The following ABHD12 variants were observed in gnomAD, a reference collection of about 807,000 sequenced individuals.
ABHD12 encodes lysophosphatidylserine lipase ABHD12.
A neutral mutation model predicts 58.3 loss-of-function variants in ABHD12; 43 were observed. The ratio of observed to expected loss-of-function variants is 0.74; its 90% confidence interval spans 0.58 to 0.95. The LOEUF is 0.95. Ranked by LOEUF, ABHD12 falls within the 40% of genes least tolerant of loss-of-function variation. The probability of loss-of-function intolerance (pLI) is 0.00; values close to 1 mark genes in which losing one functional copy is unlikely to be tolerated. For synonymous variants in ABHD12, 219 were observed against 211.2 expected, an observed-to-expected ratio of 1.04 and a Z score of -0.32; for missense variants, 539 against 537.2, an observed-to-expected ratio of 1.00 and a Z score of -0.03.
intron 2 of ABHD12, among the ~76,000 whole-genome samples, chr20:25,327,056 T>C (rs188728716): frequency 6.6e-6 from 1 of 152,354 alleles, no homozygotes; most frequent in Non-Finnish European, 1.5e-5. Flanking sequence ...GTTCCATTCC[T>C]TTCACCTTGG....
intron 10 of ABHD12, among the ~76,000 whole-genome samples, chr20:25,306,191 AAAAG>A (rs933315653): frequency 3.9e-5 from 6 of 152,168 alleles, no homozygotes; most frequent in Non-Finnish European, 7.4e-5. Context: ...AAAAAAAAAA[AAAAG>A]AAGAAAAATC....
intron 1 of ABHD12, among the ~76,000 whole-genome samples, chr20:25,380,846 T>G (rs2090013932): frequency 6.6e-6 from 1 of 152,140 alleles, no homozygotes; most frequent in Non-Finnish European, 1.5e-5. Flanking sequence ...CTATCCCCTA[T>G]CCACCTGGAT....
At chr20:25,371,960 CGT>C (rs969759150) in intron 1 of ABHD12, among the ~76,000 whole-genome samples, 3 of 152,156 alleles carry the variant, frequency 2.0e-5, no homozygotes, top group Admixed American at 6.6e-5. Flanking sequence ...TCGGGGCATA[CGT>C]GTGTCTTCCT....
At chr20:25,370,368 C>G (rs899604312) in intron 1 of ABHD12, among the ~76,000 whole-genome samples, 1 of 152,146 alleles carries the variant, frequency 6.6e-6, no homozygotes, top group African/African-American at 2.4e-5. Context: ...AGAGAAGGCT[C>G]TGTGGAAGAC....
At chr20:25,389,226 A>G (rs1600897043) in intron 1 of ABHD12, among the ~76,000 whole-genome samples, 1 of 152,252 alleles carries the variant, frequency 6.6e-6, no homozygotes, top group Non-Finnish European at 1.5e-5. Context: ...TCCATAGCAA[A>G]GAGAACAGAT....
intron 4 of ABHD12, among the ~76,000 whole-genome samples, chr20:25,319,541 G>T (rs1261809323): frequency 1.3e-5 from 2 of 152,174 alleles, no homozygotes; most frequent in African/African-American, 2.4e-5. Flanking sequence ...CTCCAGGGCT[G>T]CCCTGGCTCC....
At position 25,308,213 on chromosome 20, in the gene ABHD12, C is replaced by G. The variant is rs113504914; in HGVS notation, c.788-168G>C. Among the ~76,000 whole-genome samples, 809 of 152,346 alleles carry G rather than the reference C, an allele frequency of 5.3e-3. 2 individuals carry two copies. The highest frequency in any genetic ancestry group is 0.01 in the Middle Eastern group (3 of 294). ...GCACCAGGGGTGCCCGCCAGGGGAA[C>G]AGAGATGGCTCTGGTCACTCCTAAA... is the stretch of plus-strand genomic sequence containing the variant. On this transcript the variant is annotated intron_variant, in intron 8 of 12. Coordinates refer to ENST00000339157, the MANE Select transcript of ABHD12 (RefSeq NM_001042472.3).
chr20:25,380,363 T>C (rs990581273), intron 1 of ABHD12, among the ~76,000 whole-genome samples: 1 of 152,154 alleles, frequency 6.6e-6, no homozygotes, highest in African/African-American at 2.4e-5. Context: ...CATAATATCA[T>C]AATTATCAAT....
intron 11 of ABHD12, 78 bp downstream of exon 11, chr20:25,303,472 C>A: frequency 1.3e-6 from 2 of 1,584,736 alleles, no homozygotes; most frequent in Non-Finnish European, 1.7e-6. Context: ...TCCCGCCTGC[C>A]CACTCCCAGC....
intron 10 of ABHD12, 40 bp downstream of exon 10, chr20:25,306,793 T>C (rs757863028): frequency 6.9e-7 from 1 of 1,457,270 alleles, no homozygotes; most frequent in Non-Finnish European, 9.6e-7. Context: ...CTCAGAGTTT[T>C]TCTAAATAGG....
intron 10 of ABHD12, among the ~76,000 whole-genome samples, chr20:25,306,106 G>A (rs1446577479): frequency 6.6e-6 from 1 of 151,768 alleles, no homozygotes; most frequent in Non-Finnish European, 1.5e-5. Context: ...GGCAGAGGTT[G>A]CAGTGAGCTG....
intron 6 of ABHD12, among the ~76,000 whole-genome samples, chr20:25,309,808 G>T (rs1337470452): frequency 6.6e-6 from 1 of 152,134 alleles, no homozygotes; most frequent in Non-Finnish European, 1.5e-5. Flanking sequence ...CAGCAACCCT[G>T]CCCTGCCCCT....
At chr20:25,360,032 T>C (rs1171451918) in intron 1 of ABHD12, among the ~76,000 whole-genome samples, 3 of 152,088 alleles carry the variant, frequency 2.0e-5, no homozygotes, top group Non-Finnish European at 4.4e-5. Flanking sequence ...TTTTTCTTTA[T>C]GGTTTCTTGA....
chr20:25,301,443 C>T (rs1306382451), intron 12 of ABHD12, among the ~76,000 whole-genome samples: 1 of 142,612 alleles, frequency 7.0e-6, no homozygotes, highest in African/African-American at 2.5e-5. Flanking sequence ...CAACAAAAAA[C>T]TCTATCACCA....
intron 2 of ABHD12, among the ~76,000 whole-genome samples, chr20:25,327,075 C>T (rs886864675): frequency 6.6e-6 from 1 of 152,218 alleles, no homozygotes; most frequent in Non-Finnish European, 1.5e-5. Context: ...GGGGTAAACA[C>T]CTACCCCCAC....
intron 2 of ABHD12, among the ~76,000 whole-genome samples, chr20:25,327,392 G>T (rs1044595849): frequency 9.2e-5 from 14 of 151,830 alleles, no homozygotes; most frequent in Non-Finnish European, 1.6e-4. Context: ...GCTTGAACCC[G>T]GGAGTCAGAG....
At chr20:25,294,766 T>G in exon 13 of ABHD12, 1 of 665,054 alleles carries the variant, frequency 1.5e-6, no homozygotes. Context: ...TAGTTAGTGT[T>G]TTATTTCAGT....
intron 2 of ABHD12, among the ~76,000 whole-genome samples, chr20:25,331,578 G>A (rs145699700): frequency 0.021 from 3,182 of 152,144 alleles, 116 homozygotes; most frequent in African/African-American, 0.072. Flanking sequence ...ACCCTCAAAG[G>A]GAAGCCCATC....
intron 1 of ABHD12, among the ~76,000 whole-genome samples, chr20:25,384,344 A>C (rs2090060789): frequency 6.6e-6 from 1 of 150,410 alleles, no homozygotes; most frequent in African/African-American, 2.4e-5. Flanking sequence ...TTTTTTTTTT[A>C]ACCTCCAAAA....
Sources: allele counts gnomAD v4.1 joint callset (sites outside exome capture counted in the v4.1 genomes callset), GRCh38; gene constraint gnomAD v4.1.1; transcripts MANE v1.5; gene names NCBI Gene and HGNC (gene_info 2026-07-23, HGNC 2026-07-21).